TOP1MT: variants seen among roughly 807,000 people sequenced by gnomAD.
The protein encoded by TOP1MT is DNA topoisomerase I mitochondrial.
TOP1MT carries 80 observed loss-of-function variants against 73.9 expected under a neutral mutation model. The ratio of observed to expected loss-of-function variants is 1.08; its 90% CI spans 0.90 to 1.30. The LOEUF (loss-of-function observed/expected upper bound fraction) is 1.30, where lower values mean the gene tolerates loss of function less well. TOP1MT is among the 50% of genes most tolerant of loss of function. TOP1MT has a pLI of 0.00. For missense variants in TOP1MT, 815 were observed against 808.0 expected, an observed-to-expected ratio of 1.01 and a Z score of -0.10; for synonymous variants, 338 against 326.4, an observed-to-expected ratio of 1.04 and a Z score of -0.38.
upstream of TOP1MT, among the ~76,000 whole-genome samples, chr8:143,336,671 A>G (rs1404302069): frequency 1.3e-5 from 2 of 152,196 alleles, no homozygotes; most frequent in Non-Finnish European, 2.9e-5. Context: ...AATCTTGTAT[A>G]TAGAAAATCC....
upstream of TOP1MT, among the ~76,000 whole-genome samples, chr8:143,358,990 C>CG (rs1281767057): frequency 2.1e-5 from 3 of 144,674 alleles, no homozygotes. Flanking sequence ...TTAAGTAAAG[C>CG]GTTTTTTTTG....
At chr8:143,324,261 G>A (rs1208419384) in intron 6 of TOP1MT, 119 bp from the exon 7 acceptor site, 1 of 1,450,244 alleles carries the variant, frequency 6.9e-7, no homozygotes, top group South Asian at 1.2e-5. Flanking sequence ...CCGTGGTCAG[G>A]GGCTGGGGCA....
chr8:143,325,308 G>C, intron 5 of TOP1MT, 38 bp downstream of exon 5: 1 of 1,552,770 alleles, frequency 6.4e-7, no homozygotes, highest in South Asian at 1.1e-5. Flanking sequence ...CGGGTGGCGG[G>C]GGTCCAGTGC....
intron 8 of TOP1MT, 98 bp downstream of exon 8, chr8:143,321,103 A>C: frequency 7.5e-7 from 1 of 1,328,022 alleles, no homozygotes; most frequent in Non-Finnish European, 1.0e-6. Flanking sequence ...AGGACGTGGC[A>C]AACGGGCCAC....
At chr8:143,331,363 C>A in intron 1 of TOP1MT, 24 bp from the exon 2 acceptor site, 1 of 1,596,850 alleles carries the variant, frequency 6.3e-7, no homozygotes, top group Non-Finnish European at 8.6e-7. Flanking sequence ...CAGGACGTGT[C>A]ACTCTCCTGG....
chr8:143,342,888 G>C (rs572595143), intron 2 of TOP1MT, among the ~76,000 whole-genome samples: 3 of 151,406 alleles, frequency 2.0e-5, no homozygotes, highest in African/African-American at 7.3e-5. Flanking sequence ...GGGTTCAAGC[G>C]ATTCTCCTGC....
upstream of TOP1MT, among the ~76,000 whole-genome samples, chr8:143,356,918 T>C (rs4345574): frequency 0.88 from 133,133 of 151,450 alleles, 58,585 homozygotes; most frequent in African/African-American, 0.94. Flanking sequence ...ACAGTGAAAC[T>C]CCATCTCTAC....
intron 7 of TOP1MT, among the ~76,000 whole-genome samples, chr8:143,321,679 G>A (rs1230522631): frequency 5.3e-5 from 4 of 74,978 alleles, no homozygotes; most frequent in Non-Finnish European, 7.5e-5. Flanking sequence ...CGCCACACAC[G>A]CACGCCACGC....
chr8:143,357,199 C>G, upstream of TOP1MT, among the ~76,000 whole-genome samples: 1 of 149,434 alleles, frequency 6.7e-6, no homozygotes, highest in Non-Finnish European at 1.5e-5. Flanking sequence ...CCTAGGCGTT[C>G]TAGACTAGGC....
chr8:143,337,949 G>C (rs779498085), upstream of TOP1MT, among the ~76,000 whole-genome samples: 61 of 152,200 alleles, frequency 4.0e-4, no homozygotes, highest in Middle Eastern at 3.4e-3. Flanking sequence ...CCCCAGTTAC[G>C]TAGCCCCCAC....
At chr8:143,356,298 T>C (rs375368773), upstream of TOP1MT, among the ~76,000 whole-genome samples, 2 of 152,178 alleles carry the variant, frequency 1.3e-5, no homozygotes, top group East Asian at 1.9e-4. Flanking sequence ...CCTCCCAGGA[T>C]GGACAAGCGT....
At chr8:143,340,782 T>C (rs1817065028) in intron 2 of TOP1MT, among the ~76,000 whole-genome samples, 1 of 152,256 alleles carries the variant, frequency 6.6e-6, no homozygotes, top group South Asian at 2.1e-4. Context: ...TTTTCTTTTC[T>C]GGAAACCAAG....
intron 3 of TOP1MT, among the ~76,000 whole-genome samples, chr8:143,328,973 CT>C (rs1009601422): frequency 3.3e-5 from 5 of 152,210 alleles, no homozygotes; most frequent in African/African-American, 1.2e-4. Flanking sequence ...GCATGTCTTC[CT>C]GGGGGCTGGG....
chr8:143,331,814 G>C (rs1167772775), intron 1 of TOP1MT: 1 of 156,674 alleles, frequency 6.4e-6, no homozygotes. Flanking sequence ...AGCCAGTGGA[G>C]AGGCACCACA....
At chr8:143,311,106 C>T (rs1016128777) in intron 12 of TOP1MT, among the ~76,000 whole-genome samples, 37 of 150,488 alleles carry the variant, frequency 2.5e-4, no homozygotes, top group Non-Finnish European at 1.0e-4. Flanking sequence ...GCATGTGCCA[C>T]CACGCACATG....
intron 12 of TOP1MT, among the ~76,000 whole-genome samples, 200 bp downstream of exon 12, chr8:143,315,527 G>A (rs553785346): frequency 1.3e-5 from 2 of 152,194 alleles, no homozygotes; most frequent in East Asian, 3.9e-4. Flanking sequence ...GCCACTACCA[G>A]TCTCCGCGTC....
chr8:143,338,498 T>G (rs1292673678), upstream of TOP1MT, among the ~76,000 whole-genome samples: 2 of 150,500 alleles, frequency 1.3e-5, no homozygotes, highest in Admixed American at 1.3e-4. Context: ...ACCCGGGAGG[T>G]GGAGGCTGTG....
At chr8:143,329,069 C>T (rs112572260) in intron 3 of TOP1MT, among the ~76,000 whole-genome samples, 1,731 of 152,248 alleles carry the variant, frequency 0.011, 26 homozygotes, top group African/African-American at 0.038. Context: ...GACCACAAAT[C>T]GGCCTCCACA....
chr8:143,327,646 C>T, intron 3 of TOP1MT: 2 of 285,088 alleles, frequency 7.0e-6, no homozygotes, highest in Admixed American at 8.4e-5. Context: ...GTGACACTGC[C>T]TCCCTTCCTA....
Sources: allele counts gnomAD v4.1 joint callset (sites outside exome capture counted in the v4.1 genomes callset), GRCh38; gene constraint gnomAD v4.1.1; transcripts MANE v1.5; gene names NCBI Gene and HGNC (gene_info 2026-07-23, HGNC 2026-07-21).